Variants in PPL observed in about 807,000 individuals in gnomAD.
PPL encodes periplakin.
A neutral mutation model predicts 194.4 loss-of-function variants in PPL; 198 were observed. The ratio of observed to expected loss-of-function variants is 1.02; its 90% CI spans 0.91 to 1.15. The LOEUF is 1.15. PPL is among the 50% of genes most tolerant of loss of function. The pLI is 0.00. For missense variants in PPL, 2,885 were observed against 2,294.8 expected (o/e 1.26, Z -5.25); for synonymous variants, 1,220 against 972.4 (o/e 1.25, Z -4.74).
rs2088122433 is a variant in PPL at position 4,882,747 on chromosome 16, G to A, written c.*637C>T. On this transcript the variant is annotated 3_prime_UTR_variant, in exon 22 of 22. Transcript: ENST00000345988. ...CAAAGGATTTAAATGCCAGAACTGT[G>A]AAACATTCTCTGTAGGTGCCGGGAC... 6.5e-6 allele frequency: 1 copy of A among 152,712 alleles called. No homozygotes were observed. The highest frequency in any genetic ancestry group is 2.4e-5 in the African/African-American group (1 of 41,470). The allele number at this position is 152,712 out of a possible 1,614,324, so 9.5% of individuals were successfully genotyped here.
chr16:4,931,823 C>G (rs1342565759), intron 1 of PPL, among the ~76,000 whole-genome samples: 2 of 152,204 alleles, frequency 1.3e-5, no homozygotes, highest in Admixed American at 1.3e-4. Flanking sequence ...CCAACATGAT[C>G]CGCCCGACAG....
At chr16:4,909,853 T>C (rs368753895) in intron 2 of PPL, among the ~76,000 whole-genome samples, 11 of 152,336 alleles carry the variant, frequency 7.2e-5, no homozygotes, top group African/African-American at 2.6e-4. Context: ...TAATAACACA[T>C]GGGCTTTCCT....
At chr16:4,908,162 CAAAA>C (rs55889324) in intron 2 of PPL, among the ~76,000 whole-genome samples, 5 of 73,252 alleles carry the variant, frequency 6.8e-5, no homozygotes, top group Non-Finnish European at 8.4e-5. Flanking sequence ...AGACTGTCTC[CAAAA>C]AAAAAAAAAA....
Position 4,925,257 on chromosome 16 carries a change from G to A in PPL, c.62+11727C>T, listed in dbSNP as rs868664857. Among the ~76,000 whole-genome samples, 3 of 152,332 alleles carry A rather than the reference G, an allele frequency of 2.0e-5. No individual in the cohort carries two copies. The South Asian group carries it at 6.2e-4, about 32-fold the overall frequency. Reference sequence around the variant, plus strand: ...TGCCTGGAGGGCCAGCTTGGGGGAGGTGCACCTCCGGTGCCGAGTAGCCCT... The same window carrying A: ...TGCCTGGAGGGCCAGCTTGGGGGAGATGCACCTCCGGTGCCGAGTAGCCCT... On this transcript the variant is annotated intron_variant, in intron 1 of 21. Coordinates refer to ENST00000345988, the MANE Select transcript of PPL (RefSeq NM_002705.5).
intron 1 of PPL, among the ~76,000 whole-genome samples, chr16:4,916,342 G>C (rs1454134185): frequency 2.0e-5 from 3 of 151,760 alleles, no homozygotes; most frequent in South Asian, 4.2e-4. Context: ...CTCCCGAGTA[G>C]CTAGGATTAC....
intron 1 of PPL, among the ~76,000 whole-genome samples, chr16:4,935,643 C>G (rs750777630): frequency 2.0e-5 from 3 of 151,584 alleles, no homozygotes; most frequent in Non-Finnish European, 4.4e-5. Context: ...AACGGAGATA[C>G]GGGTGGGTGG....
intron 20 of PPL, 128 bp downstream of exon 20, chr16:4,887,974 G>A: frequency 1.4e-6 from 1 of 692,150 alleles, no homozygotes; most frequent in Non-Finnish European, 2.6e-6. Flanking sequence ...TTGCATGCAG[G>A]AGGGCTCTCA....
chr16:4,885,757 C>A lies in PPL; in HGVS notation c.2898G>T (p.Leu966=). ...GCAGTGCCTCCAGCTCCTCCTGCAG[C>A]AGCTGGTTCTTGTGCTGCTCCTCTG... is the stretch of plus-strand genomic sequence containing the variant. ...TLAEEQHKNQ[L]LQEELEALQL... The change falls in exon 22 of 22, where the codon CTG becomes CTT. Residue 966 remains leucine (L), a synonymous_variant. Coordinates refer to ENST00000345988, the MANE Select transcript of PPL (RefSeq NM_002705.5). This position sits in a 1 kb window ranked among gnomAD's most constrained non-coding sequence, Gnocchi z 6.3. The A allele has an allele frequency of 6.2e-7, 1 of 1,612,520 alleles. No homozygotes were observed. Among genetic ancestry groups the A allele is most frequent in the Non-Finnish European group, 8.5e-7 (1 of 1,180,000 alleles).
chr16:4,929,012 TTAAAAAAAAAAAAAAAAA>T (rs1387243163), intron 1 of PPL, among the ~76,000 whole-genome samples: 3 of 81,032 alleles, frequency 3.7e-5, no homozygotes, highest in Non-Finnish European at 7.0e-5. Context: ...AAACTCTACC[TTAAAAAAAAAAAAAAAAA>T]AAAAAAAAAA....
chr16:4,886,221 TG>T lies in PPL; in HGVS notation c.2608-175del, dbSNP rs111455605. 4.2e-3 allele frequency among the ~76,000 whole-genome samples: 636 copies of T among 151,374 alleles called. 3 individuals are homozygous for T. Among genetic ancestry groups the T allele is most frequent in the African/African-American group, 0.015 (597 of 40,754 alleles). ...TTCAAAAAGGATCAAACAACTAGTT[TG>T]GGGTTTTTTTTAATCAGGTAAAACA... On this transcript the variant is annotated intron_variant, in intron 21 of 21. Coordinates refer to ENST00000345988, the MANE Select transcript of PPL (RefSeq NM_002705.5).
Position 4,915,697 on chromosome 16 carries a change from C to G in PPL, c.63-4748G>C, listed in dbSNP as rs975947136. ...TCACACCAATAACAATCTCCACCAT[C>G]GTAATATGAGCTAATACTTACTCTC... On this transcript the variant is annotated intron_variant, in intron 1 of 21. Transcript: ENST00000345988. Among the ~76,000 whole-genome samples the G allele has an allele frequency of 1.3e-5, 2 of 152,216 alleles. 1 individual carries two copies. Among genetic ancestry groups the G allele is most frequent in the Non-Finnish European group, 2.9e-5 (2 of 68,038 alleles).
rs770918509 is a variant in PPL, at chr16:4,895,427, G to T, written c.1096-20C>A. On this transcript the variant is annotated intron_variant, in intron 10 of 21. Coordinates refer to ENST00000345988, the MANE Select transcript of PPL (RefSeq NM_002705.5). ...CTGGTCCTGGAGAGAACGGGGTCAG[G>T]GGCCCAGGTGAGACCAACAGCCTTC... The T allele has an allele frequency of 3.0e-5, 49 of 1,609,832 alleles. No individual in the cohort carries two copies. In the Middle Eastern group the frequency reaches 8.7e-4, roughly 29 times the overall value.
chr16:4,884,765 TG>T lies in PPL; in HGVS notation c.3889del (p.Gln1297AsnfsTer15). 6.2e-7 allele frequency: 1 copy of T among 1,614,182 alleles called. No homozygotes were observed. Among genetic ancestry groups the T allele is most frequent in the Non-Finnish European group, 8.5e-7 (1 of 1,180,030 alleles). Reference protein sequence around the residue: ...QTKEVVQEILQFQEDPQTKEE... With the variant: ...QTKEVVQEILXFQEDPQTKEE... ...CTTGGTTTGAGGGTCTTCTTGGAAT[TG>T]GAGGATCTCCTGGACCACCTCTTTG... On this transcript the variant is annotated frameshift_variant, in exon 22 of 22. Transcript: ENST00000345988. LOFTEE classifies it high-confidence loss of function. The surrounding 1 kb of genome is among the most constrained non-coding windows in gnomAD (Gnocchi z 5.7).
chr16:4,919,257 C>T (rs1239594509), intron 1 of PPL, among the ~76,000 whole-genome samples: 2 of 152,172 alleles, frequency 1.3e-5, no homozygotes, highest in African/African-American at 2.4e-5. Flanking sequence ...ACCAAGGTCC[C>T]GGACGTGAAG....
At position 4,884,019 on chromosome 16, in the gene PPL, C is replaced by G. The variant is rs568523966; in HGVS notation, c.4636G>C (p.Glu1546Gln). The G allele has an allele frequency of 3.9e-5, 63 of 1,613,862 alleles. No homozygotes were observed. In the South Asian group the frequency reaches 6.6e-4, roughly 17 times the overall value. The change falls in exon 22 of 22, where the codon GAG becomes CAG. Residue 1546 changes from glutamate to glutamine, a missense_variant. Physicochemically the swap from Glu to Gln is conservative, Grantham distance 29. Coordinates refer to ENST00000345988, the MANE Select transcript of PPL (RefSeq NM_002705.5). The surrounding 1 kb of genome is among the most constrained non-coding windows in gnomAD (Gnocchi z 5.7). ...GACTTGGAGTTATGGAATTCCAGCT[C>G]CGAAAGCCTGGCTTCCAGCCGGCTC... is the stretch of plus-strand genomic sequence containing the variant. ...EVSRLEARLSELEFHNSKSSK... is the reference protein window; with the variant it reads ...EVSRLEARLSQLEFHNSKSSK...
Position 4,884,987 on chromosome 16 carries a change from C to A in PPL, c.3668G>T (p.Gly1223Val), listed in dbSNP as rs1196188716. 1 of 1,613,948 alleles carries A rather than the reference C, an allele frequency of 6.2e-7. No individual in the cohort carries two copies. Among genetic ancestry groups the A allele is most frequent in the Non-Finnish European group, 8.5e-7 (1 of 1,180,042 alleles). ...CACCTCTTTGACTTCCACCTGGGGG[C>A]CTCGCCTCCTGAGGGCCTCCAGCTC... Reference protein sequence around the residue: ...QSELEALRRRGPQVEVKEVTK... With the variant: ...QSELEALRRRVPQVEVKEVTK... Residue 1223 changes from glycine (G) to valine (V), a missense_variant, in exon 22 of 22, where the codon GGC (glycine) becomes GTC (valine). Coordinates refer to ENST00000345988, the MANE Select transcript of PPL (RefSeq NM_002705.5). This position sits in a 1 kb window ranked among gnomAD's most constrained non-coding sequence, Gnocchi z 5.7.
chr16:4,902,672 C>G lies in PPL; in HGVS notation c.318-146G>C. ...GGGTTCCAGACAATCACAGCATCCT[C>G]TCACCCCTCCTCCCATGCACTTTTT... On this transcript the variant is annotated intron_variant, in intron 3 of 21. Transcript: ENST00000345988. The surrounding 1 kb of genome is among the most constrained non-coding windows in gnomAD (Gnocchi z 4.0). 1 of 826,616 alleles carries G rather than the reference C, an allele frequency of 1.2e-6. No homozygotes were observed. 51.2% of individuals were successfully genotyped at this position (826,616 alleles called of 1,614,324 possible).
chr16:4,924,593 C>T (rs887650964), intron 1 of PPL, among the ~76,000 whole-genome samples: 2 of 152,218 alleles, frequency 1.3e-5, no homozygotes, highest in Non-Finnish European at 2.9e-5. Context: ...GATTAGATGT[C>T]TGCCCCAGGA....
At chr16:4,930,525 T>C (rs139864642) in intron 1 of PPL, among the ~76,000 whole-genome samples, 1 of 152,204 alleles carries the variant, frequency 6.6e-6, no homozygotes, top group East Asian at 1.9e-4. Flanking sequence ...CAGTCCCCCA[T>C]GGCTTACTCT....
Sources: allele counts gnomAD v4.1 joint callset (sites outside exome capture counted in the v4.1 genomes callset), GRCh38; gene constraint gnomAD v4.1.1; non-coding constraint Gnocchi (gnomAD v3.1); transcripts MANE v1.5; gene names NCBI Gene and HGNC (gene_info 2026-07-23, HGNC 2026-07-21).